The following LDLRAD4 variants were observed in gnomAD, a reference collection of about 807,000 sequenced individuals.
LDLRAD4 encodes the protein low-density lipoprotein receptor class A domain-containing protein 4.
In LDLRAD4, 5 loss-of-function variants were observed where a neutral mutation model predicts 17.0. The ratio of observed to expected loss-of-function variants is 0.29; its 90% CI spans 0.15 to 0.62. The LOEUF (loss-of-function observed/expected upper bound fraction) is 0.62, where lower values mean the gene tolerates loss of function less well. Ranked by LOEUF, LDLRAD4 falls within the 20% of genes least tolerant of loss-of-function variation. The probability of loss-of-function intolerance (pLI) is 0.84; values close to 1 mark genes in which losing one functional copy is unlikely to be tolerated. For synonymous variants in LDLRAD4, 168 were observed against 171.8 expected (o/e 0.98, Z 0.17); for missense variants, 340 against 424.7 (o/e 0.80, Z 1.75).
At chr18:13,515,438 TA>T (rs2093850133) in intron 3 of LDLRAD4, 1 of 152,248 alleles carries the variant, frequency 6.6e-6, no homozygotes, top group Non-Finnish European at 1.5e-5. Context: ...GGCTTATGGT[TA>T]TAGGACAGTT....
At chr18:13,274,687 C>G (rs978678628), upstream of LDLRAD4, among the ~76,000 whole-genome samples, 3 of 152,102 alleles carry the variant, frequency 2.0e-5, no homozygotes, top group Non-Finnish European at 4.4e-5. Flanking sequence ...TTCTTTTGTA[C>G]TCTTTTAAGT....
At chr18:13,437,056 T>C (rs2090712724) in intron 2 of LDLRAD4, among the ~76,000 whole-genome samples, 1 of 152,262 alleles carries the variant, frequency 6.6e-6, no homozygotes, top group African/African-American at 2.4e-5. Flanking sequence ...TGGGCTCTCA[T>C]GGGGTAGCCC....
intron 2 of LDLRAD4, among the ~76,000 whole-genome samples, chr18:13,390,656 C>CAA (rs57932704): frequency 8.3e-5 from 12 of 144,998 alleles, no homozygotes; most frequent in African/African-American, 3.0e-4. Flanking sequence ...GGTCATGTCT[C>CAA]AAAAAAAAAA....
intron 3 of LDLRAD4, among the ~76,000 whole-genome samples, chr18:13,503,859 A>G (rs2093650802): frequency 6.6e-6 from 1 of 152,180 alleles, no homozygotes; most frequent in Admixed American, 6.5e-5. Flanking sequence ...ATGATAGAGT[A>G]AAATGATTTG....
chr18:13,320,293 A>T (rs1055845739), intron 1 of LDLRAD4, among the ~76,000 whole-genome samples: 1 of 152,256 alleles, frequency 6.6e-6, no homozygotes, highest in Non-Finnish European at 1.5e-5. Flanking sequence ...GGTGACTGAC[A>T]CTGTGAAGTC....
intron 2 of LDLRAD4, among the ~76,000 whole-genome samples, chr18:13,394,362 C>T (rs1568093420): frequency 6.6e-6 from 1 of 152,032 alleles, no homozygotes; most frequent in Non-Finnish European, 1.5e-5. Flanking sequence ...GAGATGTGTA[C>T]TTACCCTTTT....
chr18:13,352,392 A>AT (rs34509780), intron 1 of LDLRAD4, among the ~76,000 whole-genome samples: 3 of 151,932 alleles, frequency 2.0e-5, no homozygotes, highest in African/African-American at 4.8e-5. Flanking sequence ...TGTTTGTTTT[A>AT]TTTTTCCCTT....
intron 3 of LDLRAD4, among the ~76,000 whole-genome samples, chr18:13,485,039 T>C (rs1600725666): frequency 1.3e-5 from 2 of 152,342 alleles, no homozygotes; most frequent in African/African-American, 4.8e-5. Context: ...TGGAGAAATA[T>C]TCTGCAGCGT....
At chr18:13,375,707 A>G (rs79222907) in intron 1 of LDLRAD4, among the ~76,000 whole-genome samples, 2,006 of 152,252 alleles carry the variant, frequency 0.013, 37 homozygotes, top group African/African-American at 0.043. Context: ...TACTGGGGCA[A>G]TCATGGTGCT....
chr18:13,359,171 G>A (rs371565893), intron 1 of LDLRAD4, among the ~76,000 whole-genome samples: 1 of 152,166 alleles, frequency 6.6e-6, no homozygotes, highest in Admixed American at 6.5e-5. Flanking sequence ...ACAAGGACAG[G>A]CATTGACACA....
chr18:13,574,816 C>A (rs992582224), intron 3 of LDLRAD4, among the ~76,000 whole-genome samples: 1 of 152,228 alleles, frequency 6.6e-6, no homozygotes, highest in Non-Finnish European at 1.5e-5. Context: ...ATGTTCCAAG[C>A]TGTAGCCAAA....
At chr18:13,222,080 G>A (rs2041484047) in intron 1 of LDLRAD4, among the ~76,000 whole-genome samples, 1 of 152,186 alleles carries the variant, frequency 6.6e-6, no homozygotes, top group African/African-American at 2.4e-5. Flanking sequence ...TGAGCAGACG[G>A]GGGTGGGGTC....
At chr18:13,268,560 C>G (rs1465429697) in intron 1 of LDLRAD4, among the ~76,000 whole-genome samples, 1 of 152,244 alleles carries the variant, frequency 6.6e-6, no homozygotes, top group East Asian at 1.9e-4. Flanking sequence ...AGCGTTTCCC[C>G]TCTTGGCGTC....
At chr18:13,399,114 T>C (rs1400941221) in intron 2 of LDLRAD4, among the ~76,000 whole-genome samples, 1 of 152,060 alleles carries the variant, frequency 6.6e-6, no homozygotes, top group Non-Finnish European at 1.5e-5. Flanking sequence ...CTCAGGAGGC[T>C]TGAGCCTTGG....
chr18:13,232,439 C>T (rs1456795797), intron 1 of LDLRAD4, among the ~76,000 whole-genome samples: 1 of 152,188 alleles, frequency 6.6e-6, no homozygotes, highest in Non-Finnish European at 1.5e-5. Flanking sequence ...TCTGTTTCTC[C>T]CCTTTCAACA....
At chr18:13,551,446 G>C (rs1283818855) in intron 3 of LDLRAD4, among the ~76,000 whole-genome samples, 1 of 152,210 alleles carries the variant, frequency 6.6e-6, no homozygotes, top group Non-Finnish European at 1.5e-5. Context: ...ATCCTGCCAG[G>C]CTGCCGAGGC....
At chr18:13,571,211 A>G (rs573931149) in intron 3 of LDLRAD4, among the ~76,000 whole-genome samples, 1 of 152,324 alleles carries the variant, frequency 6.6e-6, no homozygotes, top group Admixed American at 6.5e-5. Context: ...AAATTAGAAA[A>G]GCAGATGTTT....
intron 1 of LDLRAD4, among the ~76,000 whole-genome samples, chr18:13,224,273 T>A (rs1426518811): frequency 1.3e-5 from 2 of 152,206 alleles, no homozygotes; most frequent in East Asian, 3.9e-4. Flanking sequence ...TCTTCTGCAC[T>A]GGTCCTTAAA....
intron 2 of LDLRAD4, among the ~76,000 whole-genome samples, chr18:13,428,576 T>G (rs1205844229): frequency 6.6e-6 from 1 of 152,146 alleles, no homozygotes; most frequent in African/African-American, 2.4e-5. Context: ...TGCTCTCTTA[T>G]GAGTAAACCG....
Sources: gnomAD v4.1 joint callset for allele counts (sites outside exome capture counted in the v4.1 genomes callset) on GRCh38, gnomAD v4.1.1 for gene constraint, MANE v1.5 for transcripts, NCBI Gene and HGNC (gene_info 2026-07-23, HGNC 2026-07-21) for gene names.